CACNA1B: variants seen among roughly 807,000 people sequenced by gnomAD.
The protein encoded by CACNA1B is voltage-dependent N-type calcium channel subunit alpha-1B.
Under a neutral mutation model 247.2 loss-of-function variants are expected in CACNA1B, and 70 were observed. That is an observed-to-expected ratio of 0.28 (90% CI 0.23 to 0.35). CACNA1B has a LOEUF of 0.35. CACNA1B is among the 10% of genes least tolerant of loss of function. The probability of loss-of-function intolerance (pLI) is 1.00; values close to 1 mark genes in which losing one functional copy is unlikely to be tolerated. For synonymous variants in CACNA1B, 1,231 were observed against 1,294.4 expected, an observed-to-expected ratio of 0.95 and a Z score of 1.05; for missense variants, 2,367 against 3,197.4, an observed-to-expected ratio of 0.74 and a Z score of 6.26.
Position 138,121,019 on chromosome 9 carries a change from C to G in CACNA1B, c.6489+138C>G. The G allele has an allele frequency of 1.0e-6, 1 of 974,854 alleles. No homozygotes were observed. The highest frequency in any genetic ancestry group is 2.7e-5 in the East Asian group (1 of 36,760). 60.4% of individuals were successfully genotyped at this position (974,854 alleles called of 1,614,324 possible). On this transcript the variant is annotated intron_variant, in intron 46 of 46. Coordinates refer to ENST00000371372, the MANE Select transcript of CACNA1B (RefSeq NM_000718.4). This position sits in a 1 kb window ranked among gnomAD's most constrained non-coding sequence, Gnocchi z 6.8. Reference sequence around the variant, plus strand: ...CCAGCAACCCAAGGGCCGGGCGCTCCCCTCTGTGCCCTGTCCCGGAGCCCA... The same window carrying G: ...CCAGCAACCCAAGGGCCGGGCGCTCGCCTCTGTGCCCTGTCCCGGAGCCCA...
chr9:138,109,041 T>C (rs1961534011), intron 39 of CACNA1B, among the ~76,000 whole-genome samples: 1 of 152,252 alleles, frequency 6.6e-6, no homozygotes. Context: ...AAATCCAGTT[T>C]ACTGTATCAA....
chr9:137,975,899 TCTC>T lies in CACNA1B; in HGVS notation c.1544-5_1544-3del. 1 of 1,569,282 alleles carries T rather than the reference TCTC, an allele frequency of 6.4e-7. No individual in the cohort carries two copies. The highest frequency in any genetic ancestry group is 2.2e-5 in the East Asian group (1 of 44,602). On this transcript the variant is annotated splice_region_variant and splice_polypyrimidine_tract_variant and intron_variant, in intron 11 of 46. Coordinates refer to ENST00000371372, the MANE Select transcript of CACNA1B (RefSeq NM_000718.4). ...GAGCTAATCCCCCTCTTCTCCGGCT[TCTC>T]CTAGATTTTGCAGAGTTTGTTTTCC... is the stretch of plus-strand genomic sequence containing the variant.
intron 3 of CACNA1B, among the ~76,000 whole-genome samples, chr9:137,895,126 T>C (rs1299284990): frequency 6.6e-6 from 1 of 152,246 alleles, no homozygotes; most frequent in East Asian, 1.9e-4. Flanking sequence ...ATTGAATTGC[T>C]TTTGTGCTTT....
Position 138,102,794 on chromosome 9 carries a change from G to A in CACNA1B, c.5306G>A (p.Arg1769Gln), listed in dbSNP as rs1333495106. ...PLGLGKKCPARVAYKRLVRMN... is the reference protein window; with the variant it reads ...PLGLGKKCPAQVAYKRLVRMN... The stretch of plus-strand genomic sequence containing the variant: ...GGGCTGGGGAAGAAATGCCCTGCTC[G>A]AGTTGCTTACAAGGTAGACCCTGAC... The change falls in exon 38 of 47, where the codon CGA (arginine) becomes CAA (glutamine). Residue 1769 changes from arginine to glutamine, a missense_variant. By Grantham distance (43) the Arg-to-Gln change is conservative. This residue lies in a region of CACNA1B where 55 missense variants were observed against 107.8 expected (regional missense o/e 0.51). Coordinates refer to ENST00000371372, the MANE Select transcript of CACNA1B (RefSeq NM_000718.4). The surrounding 1 kb of genome is among the most constrained non-coding windows in gnomAD (Gnocchi z 5.4). The A allele has an allele frequency of 1.9e-6, 3 of 1,610,398 alleles. No individual in the cohort carries two copies. The highest frequency in any genetic ancestry group is 1.3e-5 in the African/African-American group (1 of 74,806).
chr9:138,114,298 T>C (rs1961777402), intron 40 of CACNA1B, 80 bp from the exon 41 acceptor site: 3 of 731,192 alleles, frequency 4.1e-6, no homozygotes, highest in Admixed American at 2.2e-5. Context: ...GGCGGCTGTT[T>C]CCTCACCTTA....
intron 3 of CACNA1B, among the ~76,000 whole-genome samples, chr9:137,884,839 C>T (rs181081003): frequency 2.8e-3 from 418 of 151,540 alleles, no homozygotes; most frequent in Non-Finnish European, 4.6e-3. Flanking sequence ...TCCCAGCACA[C>T]ATAGACTGGG....
chr9:138,026,874 T>C (rs1958928056), intron 20 of CACNA1B, among the ~76,000 whole-genome samples: 1 of 152,248 alleles, frequency 6.6e-6, no homozygotes, highest in East Asian at 1.9e-4. Context: ...CTGTACCATT[T>C]TGCATTCCCA....
chr9:138,115,430 G>A, intron 41 of CACNA1B, 122 bp from the exon 42 acceptor site: 1 of 1,008,564 alleles, frequency 9.9e-7, no homozygotes, highest in African/African-American at 1.6e-5. Context: ...AGGGGAAAGA[G>A]CCCTTAGGCT....
At chr9:137,922,511 G>A (rs1392076147) in intron 6 of CACNA1B, among the ~76,000 whole-genome samples, 1 of 152,184 alleles carries the variant, frequency 6.6e-6, no homozygotes, top group African/African-American at 2.4e-5. Context: ...TAAGAGGAAG[G>A]TTGTTGGTAA....
chr9:138,108,408 G>A (rs184352942), intron 39 of CACNA1B, among the ~76,000 whole-genome samples: 16 of 151,374 alleles, frequency 1.1e-4, no homozygotes, highest in Middle Eastern at 3.5e-3. Flanking sequence ...GACAATCCCA[G>A]GTCCAAATGG....
chr9:137,912,949 C>A (rs574001466), intron 3 of CACNA1B, among the ~76,000 whole-genome samples: 112 of 152,206 alleles, frequency 7.4e-4, no homozygotes, highest in African/African-American at 2.6e-3. Context: ...TTCCTGTGAG[C>A]GCTTCTGGAT....
chr9:138,049,186 TA>T, intron 23 of CACNA1B, 22 bp from the exon 24 acceptor site: 1 of 1,452,882 alleles, frequency 6.9e-7, no homozygotes, highest in Non-Finnish European at 9.7e-7. Context: ...ATGACGTATC[TA>T]ACGTGTGTTT....
At chr9:138,087,468 G>A (rs572025854) in intron 36 of CACNA1B, among the ~76,000 whole-genome samples, 26 of 149,264 alleles carry the variant, frequency 1.7e-4, no homozygotes, top group Non-Finnish European at 2.8e-4. Flanking sequence ...TGTAGTCCCA[G>A]CACTTTGGGA....
Position 138,024,963 on chromosome 9 carries a change from A to G in CACNA1B, c.3077A>G (p.His1026Arg), listed in dbSNP as rs1246984491. The G allele has an allele frequency of 2.5e-6, 4 of 1,576,712 alleles. No homozygotes were observed. In the Admixed American group the frequency reaches 7.4e-5, roughly 29 times the overall value. ...TACATTCTTGATTGCAGGGAGCCACACTGTGACCTGGAGACCAGTGGGACT... is the reference window on the plus strand; with the variant it reads ...TACATTCTTGATTGCAGGGAGCCACGCTGTGACCTGGAGACCAGTGGGACT... ...ELRNHQPREP[H>R]CDLETSGTVT... The change falls in exon 20 of 47, where the codon CAC (histidine) becomes CGC (arginine). Residue 1026 changes from histidine (H) to arginine (R), a missense_variant. His to Arg is a conservative substitution (Grantham distance 29). Transcript: ENST00000371372.
At position 138,014,262 on chromosome 9, in the gene CACNA1B, G is replaced by A. The variant is rs1259236056; in HGVS notation, c.2267+1027G>A. On this transcript the variant is annotated intron_variant, in intron 18 of 46. Transcript: ENST00000371372. This position sits in a 1 kb window ranked among gnomAD's most constrained non-coding sequence, Gnocchi z 6.2. ...TGAGAGTTGCACAGTGAGCATGTGT[G>A]TGAGTGCATGTGCTGAGTGTGTGCA... Among the ~76,000 whole-genome samples the A allele has an allele frequency of 2.6e-5, 4 of 152,204 alleles. No individual in the cohort carries two copies. The highest frequency in any genetic ancestry group is 4.4e-5 in the Non-Finnish European group (3 of 68,046).
intron 6 of CACNA1B, among the ~76,000 whole-genome samples, chr9:137,925,292 A>G (rs540947091): frequency 1.3e-5 from 2 of 152,366 alleles, no homozygotes; most frequent in African/African-American, 4.8e-5. Context: ...GCAACTGGCC[A>G]TGCTAGGGAA....
At chr9:138,039,011 C>A (rs1959081960) in intron 20 of CACNA1B, among the ~76,000 whole-genome samples, 1 of 151,884 alleles carries the variant, frequency 6.6e-6, no homozygotes, top group African/African-American at 2.4e-5. Context: ...ATGGCAAAAC[C>A]CCGTCTCTGC....
intron 6 of CACNA1B, among the ~76,000 whole-genome samples, chr9:137,939,424 A>C (rs1957705897): frequency 6.6e-6 from 1 of 152,180 alleles, no homozygotes; most frequent in Non-Finnish European, 1.5e-5. Context: ...CCTCAAAACC[A>C]TGCAAATACA....
At chr9:138,063,105 A>G (rs11137360) in intron 31 of CACNA1B, among the ~76,000 whole-genome samples, 31,433 of 152,206 alleles carry the variant, frequency 0.21, 9,469 homozygotes, top group African/African-American at 0.66. Context: ...GTAACATAAC[A>G]TCATCAGTGT....
Sources: allele counts gnomAD v4.1 joint callset (sites outside exome capture counted in the v4.1 genomes callset), GRCh38; gene constraint gnomAD v4.1.1; regional missense constraint gnomAD v4.1.1; non-coding constraint Gnocchi (gnomAD v3.1); transcripts MANE v1.5; gene names NCBI Gene and HGNC (gene_info 2026-07-23, HGNC 2026-07-21).